The following GALNT2 variants were observed in gnomAD, a reference collection of about 807,000 sequenced individuals.
The protein encoded by GALNT2 is UDP-GalNAc:polypeptide N-acetylgalactosaminyltransferase 2.
Under a neutral mutation model 81.4 loss-of-function variants are expected in GALNT2, and 31 were observed. The ratio of observed to expected loss-of-function variants is 0.38; its 90% CI spans 0.29 to 0.51. GALNT2 has a LOEUF of 0.51. GALNT2 is among the 20% of genes least tolerant of loss of function. The pLI is 0.87. For missense variants in GALNT2, 629 were observed against 765.7 expected (o/e 0.82, Z 2.11); for synonymous variants, 303 against 287.4 (o/e 1.05, Z -0.55).
At chr1:230,189,285 C>G (rs1663440559) in intron 2 of GALNT2, among the ~76,000 whole-genome samples, 1 of 152,162 alleles carries the variant, frequency 6.6e-6, no homozygotes, top group African/African-American at 2.4e-5. Flanking sequence ...CTTGAGCCCC[C>G]TCCCCATCCT....
intron 1 of GALNT2, among the ~76,000 whole-genome samples, chr1:230,073,529 T>C (rs1011487587): frequency 6.6e-6 from 1 of 152,218 alleles, no homozygotes; most frequent in African/African-American, 2.4e-5. Context: ...TCTACTAGTA[T>C]GGGCCCCAGA....
chr1:230,198,607 C>G (rs924231185), intron 2 of GALNT2, among the ~76,000 whole-genome samples: 2 of 152,170 alleles, frequency 1.3e-5, no homozygotes, highest in Non-Finnish European at 2.9e-5. Flanking sequence ...TGTGGGACCA[C>G]CTGAGGGTTT....
intron 1 of GALNT2, among the ~76,000 whole-genome samples, chr1:230,146,204 GTA>G (rs1042999578): frequency 1.2e-4 from 19 of 152,224 alleles, no homozygotes; most frequent in African/African-American, 3.6e-4. Context: ...CTAAAAGACT[GTA>G]GTTATTTTTC....
chr1:230,247,285 A>G (rs1251276778), intron 8 of GALNT2, among the ~76,000 whole-genome samples: 1 of 152,170 alleles, frequency 6.6e-6, no homozygotes. Flanking sequence ...TGGACTTTTT[A>G]GGGAGACTCA....
chr1:230,078,329 G>A (rs1453194987), intron 1 of GALNT2, among the ~76,000 whole-genome samples: 3 of 152,182 alleles, frequency 2.0e-5, no homozygotes, highest in African/African-American at 7.2e-5. Flanking sequence ...TGACCAGTGG[G>A]TTCATGGAGT....
intron 1 of GALNT2, among the ~76,000 whole-genome samples, chr1:230,167,520 T>C (rs1280767319): frequency 6.6e-6 from 1 of 152,152 alleles, no homozygotes; most frequent in African/African-American, 2.4e-5. Flanking sequence ...TAGGCCCTCA[T>C]GGGAAGGATT....
In GALNT2 at chr1:230,189,353, T is replaced by C. The variant is rs142255357; in HGVS notation, c.220+11042T>C. 3.4e-3 allele frequency among the ~76,000 whole-genome samples: 513 copies of C among 152,314 alleles called. 3 individuals are homozygous for C. Among genetic ancestry groups the C allele is most frequent in the African/African-American group, 0.011 (475 of 41,564 alleles). On this transcript the variant is annotated intron_variant, in intron 2 of 15. Transcript: ENST00000366672. ...CTCCCCGATGTGCTGTTGGTTCAGT[T>C]ACCCCAGACAGTGGATTTCTCAGAA...
chr1:230,134,830 G>A (rs552069588), intron 1 of GALNT2, among the ~76,000 whole-genome samples: 75 of 152,248 alleles, frequency 4.9e-4, no homozygotes, highest in African/African-American at 1.5e-3. Flanking sequence ...ATTCCTCCCC[G>A]TGGACCCAGT....
rs973749452 is a variant in GALNT2, at chr1:230,271,779, C to T, written c.1441-2666C>T. Among the ~76,000 whole-genome samples the T allele has an allele frequency of 1.3e-5, 2 of 152,244 alleles. No individual in the cohort carries two copies. Among genetic ancestry groups the T allele is most frequent in the Non-Finnish European group, 1.5e-5 (1 of 68,044 alleles). ...TTCCACGCCCTCTCCAGGTGTGCCG[C>T]TCTCCCAGCGCCTCCGCATGTCCGG... On this transcript the variant is annotated intron_variant, in intron 14 of 15. Coordinates refer to ENST00000366672, the MANE Select transcript of GALNT2 (RefSeq NM_004481.5). This position sits in a 1 kb window ranked among gnomAD's most constrained non-coding sequence, Gnocchi z 4.2.
rs113980619 is a variant in GALNT2 at position 230,173,507 on chromosome 1, T to C, written c.127-4711T>C. 6.7e-4 allele frequency among the ~76,000 whole-genome samples: 102 copies of C among 152,314 alleles called. 1 individual carries two copies. Among genetic ancestry groups the C allele is most frequent in the African/African-American group, 2.3e-3 (96 of 41,562 alleles). On this transcript the variant is annotated intron_variant, in intron 1 of 15. Coordinates refer to ENST00000366672, the MANE Select transcript of GALNT2 (RefSeq NM_004481.5). The stretch of plus-strand genomic sequence containing the variant: ...GTGGTGGAAACAAAGCAGAGATGGG[T>C]CTGCATCCTGGGAAATCAAAGCGGG...
chr1:230,228,937 A>G (rs1186452381), intron 3 of GALNT2, among the ~76,000 whole-genome samples: 1 of 152,204 alleles, frequency 6.6e-6, no homozygotes, highest in Non-Finnish European at 1.5e-5. Flanking sequence ...AATTTTCTCC[A>G]TGATATACAT....
chr1:230,279,323 C>T lies in GALNT2; in HGVS notation c.1581C>T (p.Gly527=), dbSNP rs1257383979. The T allele has an allele frequency of 6.2e-7, 1 of 1,614,128 alleles. No homozygotes were observed. Among genetic ancestry groups the T allele is most frequent in the Non-Finnish European group, 8.5e-7 (1 of 1,180,002 alleles). The change falls in exon 16 of 16, where the codon GGC becomes GGT. Residue 527 remains glycine, a synonymous_variant. Transcript: ENST00000366672. The surrounding 1 kb of genome is among the most constrained non-coding windows in gnomAD (Gnocchi z 4.6). ...TGCAGAAATGGGAACAGATCGAGGGCAACTCCAAGCTGAGGCACGTGGGCA... is the reference window on the plus strand; with the variant it reads ...TGCAGAAATGGGAACAGATCGAGGGTAACTCCAAGCTGAGGCACGTGGGCA... ...DSRQKWEQIE[G]NSKLRHVGSN...
chr1:230,103,729 GA>G (rs71173782), intron 1 of GALNT2, among the ~76,000 whole-genome samples: 43,388 of 147,196 alleles, frequency 0.29, 6,261 homozygotes, highest in African/African-American at 0.35. Context: ...AAGCCAAAAG[GA>G]AAAAAAAAAA....
chr1:230,184,220 G>T (rs377372230), intron 2 of GALNT2, among the ~76,000 whole-genome samples: 1 of 145,182 alleles, frequency 6.9e-6, no homozygotes, highest in Non-Finnish European at 1.5e-5. Flanking sequence ...ACAGAGTCTC[G>T]CTCTATTACC....
At position 230,275,119 on chromosome 1, in the gene GALNT2, CAT is replaced by C. The variant is rs1311554723; in HGVS notation, c.1560+563_1560+564del. ...CATGTATACACACCACATATATATA[CAT>C]ATATATACACACCACATATACATAT... On this transcript the variant is annotated intron_variant, in intron 15 of 15. Transcript: ENST00000366672. This position sits in a 1 kb window ranked among gnomAD's most constrained non-coding sequence, Gnocchi z 5.5. Among the ~76,000 whole-genome samples, 3 of 150,436 alleles carry C rather than the reference CAT, an allele frequency of 2.0e-5. No individual in the cohort carries two copies. Among genetic ancestry groups the C allele is most frequent in the East Asian group, 2.0e-4 (1 of 5,078 alleles).
chr1:230,265,904 C>A (rs551638235), intron 14 of GALNT2, among the ~76,000 whole-genome samples: 1 of 152,340 alleles, frequency 6.6e-6, no homozygotes, highest in South Asian at 2.1e-4. Context: ...CATAAAAATG[C>A]ACAACCGCCA....
rs144762453 is a variant in GALNT2, at chr1:230,273,693, T to G, written c.1441-752T>G. Among the ~76,000 whole-genome samples the G allele has an allele frequency of 3.6e-3, 541 of 152,220 alleles. 3 individuals are homozygous for G. The highest frequency in any genetic ancestry group is 0.012 in the African/African-American group (508 of 41,580). ...TGTGTTTGTACATATATGTGTGTGT[T>G]TGTTTGTTAACATCATGGTGTGTTA... On this transcript the variant is annotated intron_variant, in intron 14 of 15. Transcript: ENST00000366672.
chr1:230,076,958 A>G (rs934101096), intron 1 of GALNT2, among the ~76,000 whole-genome samples: 3 of 152,208 alleles, frequency 2.0e-5, no homozygotes, highest in African/African-American at 7.2e-5. Flanking sequence ...CTGCTGCCCT[A>G]GAAAAATGAC....
At chr1:230,214,536 G>A (rs564732848) in intron 3 of GALNT2, among the ~76,000 whole-genome samples, 8 of 152,260 alleles carry the variant, frequency 5.3e-5, no homozygotes, top group East Asian at 1.9e-4. Context: ...AATGTCTACC[G>A]TTAGTCTTGT....
Sources: allele counts gnomAD v4.1 joint callset (sites outside exome capture counted in the v4.1 genomes callset), GRCh38; gene constraint gnomAD v4.1.1; non-coding constraint Gnocchi (gnomAD v3.1); transcripts MANE v1.5; gene names NCBI Gene and HGNC (gene_info 2026-07-23, HGNC 2026-07-21).